The following EML2 variants were observed in gnomAD, a reference collection of about 807,000 sequenced individuals.
EML2 encodes the protein EMAP like 2.
EML2 carries 59 observed loss-of-function variants against 84.7 expected under a neutral mutation model. The ratio of observed to expected loss-of-function variants is 0.70; its 90% CI spans 0.56 to 0.86. The LOEUF (loss-of-function observed/expected upper bound fraction) is 0.86, where lower values mean the gene tolerates loss of function less well. Among genes scored for constraint, EML2 ranks in the 40% least tolerant of loss-of-function variants. The probability of loss-of-function intolerance (pLI) is 0.00; values close to 1 mark genes in which losing one functional copy is unlikely to be tolerated. For missense variants in EML2, 818 were observed against 855.6 expected, an observed-to-expected ratio of 0.96 and a Z score of 0.55; for synonymous variants, 352 against 348.9, an observed-to-expected ratio of 1.01 and a Z score of -0.10.
chr19:45,639,258 C>G, intron 1 of EML2, 99 bp downstream of exon 1: 1 of 1,170,592 alleles, frequency 8.5e-7, no homozygotes, highest in Non-Finnish European at 1.1e-6. Flanking sequence ...AGGGGCGTGT[C>G]CCCACGCCGG....
chr19:45,627,551 G>T (rs553295363), intron 7 of EML2, among the ~76,000 whole-genome samples: 2 of 152,220 alleles, frequency 1.3e-5, no homozygotes, highest in Non-Finnish European at 2.9e-5. Flanking sequence ...CACCACGCCT[G>T]GCCAGTACCT....
chr19:45,615,709 C>CTTGAATACCAAGG, intron 16 of EML2, 93 bp downstream of exon 16: 1 of 1,104,160 alleles, frequency 9.1e-7, no homozygotes, highest in Non-Finnish European at 1.4e-6. Context: ...ACCAAGGGAG[C>CTTGAATACCAAGG]GAGGCTTGAA....
upstream of EML2, among the ~76,000 whole-genome samples, chr19:45,643,379 T>C (rs1974765898): frequency 6.6e-6 from 1 of 152,078 alleles, no homozygotes; most frequent in Non-Finnish European, 1.5e-5. Context: ...ACCAAACTCT[T>C]CCCCAGCAGG....
At chr19:45,645,501 A>G, upstream of EML2, 1 of 1,367,406 alleles carries the variant, frequency 7.3e-7, no homozygotes. Flanking sequence ...CGCTGGGGTC[A>G]TCCCCAGGAT....
rs1400265529 is a variant in EML2 at position 45,619,188 on chromosome 19, G to A, written c.1126C>T (p.His376Tyr). ...HTGFSLLVQG[H>Y]VEELWGLATH... Reference sequence around the variant, plus strand: ...GCCAGGCCCCACAGCTCTTCCACATGGCCCTGGTGGAAAGGGAGGACAGCA... The same window carrying A: ...GCCAGGCCCCACAGCTCTTCCACATAGCCCTGGTGGAAAGGGAGGACAGCA... The change falls in exon 12 of 19, where the codon CAT becomes TAT. Residue 376 changes from histidine to tyrosine, a missense_variant. By Grantham distance (83) the His-to-Tyr change is moderately conservative. Coordinates refer to ENST00000245925, the MANE Select transcript of EML2 (RefSeq NM_012155.4). The A allele has an allele frequency of 6.2e-7, 1 of 1,609,780 alleles. No homozygotes were observed. The highest frequency in any genetic ancestry group is 1.3e-5 in the African/African-American group (1 of 74,790).
upstream of EML2, chr19:45,642,857 C>T (rs1053351288): frequency 2.6e-5 from 4 of 151,312 alleles, no homozygotes; most frequent in Non-Finnish European, 4.4e-5. Context: ...CGTGGTGGCG[C>T]GTGCCTGTAG....
At chr19:45,611,517 G>C (rs980324795) in intron 18 of EML2, among the ~76,000 whole-genome samples, 1 of 150,432 alleles carries the variant, frequency 6.6e-6, no homozygotes, top group Non-Finnish European at 1.5e-5. Context: ...ACAGAATCTC[G>C]CTCTTTTGCC....
Position 45,609,787 on chromosome 19 carries a change from G to A in EML2, c.1826C>T (p.Ala609Val), listed in dbSNP as rs910789124. Residue 609 changes from alanine to valine, a missense_variant and splice_region_variant, in exon 19 of 19, where the codon GCC becomes GTC. Ala to Val is a moderately conservative substitution (Grantham distance 64). Transcript: ENST00000245925. Reference protein sequence around the residue: ...LFSYPCCQPRALSHKYGGHSS... With the variant: ...LFSYPCCQPRVLSHKYGGHSS... The stretch of plus-strand genomic sequence containing the variant: ...GTGTCCACCGTACTTGTGGCTGAGG[G>A]CCTGTTACAAGGAAAGAAGTAAGTG... 42 of 1,611,812 alleles carry A rather than the reference G, an allele frequency of 2.6e-5. No individual in the cohort carries two copies. Among genetic ancestry groups the A allele is most frequent in the East Asian group, 4.5e-5 (2 of 44,776 alleles).
Position 45,630,019 on chromosome 19 carries a change from C to A in EML2, c.538G>T (p.Asp180Tyr), listed in dbSNP as rs1255955066. The change falls in exon 7 of 19, where the codon GAT (aspartate) becomes TAT (tyrosine). Residue 180 changes from aspartate to tyrosine, a missense_variant. Physicochemically the swap from Asp to Tyr is radical, Grantham distance 160. Transcript: ENST00000245925. ...SNGGNLLCAV[D>Y]ESNDHMLSVW... is the part of the protein sequence containing the mutation. ...GAGAGCATGTGATCATTGGATTCAT[C>A]CACTGCACACAGCAGGTTGCCTCCA... 1 of 1,613,024 alleles carries A rather than the reference C, an allele frequency of 6.2e-7. No homozygotes were observed. The highest frequency in any genetic ancestry group is 8.5e-7 in the Non-Finnish European group (1 of 1,179,520).
chr19:45,625,002 A>G (rs1972136543), intron 8 of EML2, among the ~76,000 whole-genome samples, 184 bp from the exon 9 acceptor site: 1 of 152,114 alleles, frequency 6.6e-6, no homozygotes, highest in South Asian at 2.1e-4. Context: ...TCGGTGGCCT[A>G]GAGGTTCTGA....
intron 1 of EML2, 168 bp downstream of exon 1, chr19:45,639,189 G>T (rs868006894): frequency 1.3e-6 from 1 of 781,214 alleles, no homozygotes; most frequent in Non-Finnish European, 2.0e-6. Context: ...CCCCCCACCC[G>T]CAGTTCCCCC....
intron 18 of EML2, among the ~76,000 whole-genome samples, chr19:45,611,935 G>A (rs1419062105): frequency 6.6e-6 from 1 of 151,778 alleles, no homozygotes. Flanking sequence ...AAAGTGGCAC[G>A]ATCTCCGCTC....
Position 45,621,236 on chromosome 19 carries a change from C to T in EML2, c.1093G>A (p.Val365Met), listed in dbSNP as rs766941141. 17 of 1,613,800 alleles carry T rather than the reference C, an allele frequency of 1.1e-5. No homozygotes were observed. Among genetic ancestry groups the T allele is most frequent in the East Asian group, 4.5e-5 (2 of 44,876 alleles). ...ACCAGCAGTGAGAAGCCTGTGTGCA[C>T]GGAGCCCTGCAGGATGGAATTGCGG... ...TTRNSILQGSVHTGFSLLVQG... is the reference protein window; with the variant it reads ...TTRNSILQGSMHTGFSLLVQG... Residue 365 changes from valine (V) to methionine (M), a missense_variant, in exon 11 of 19, where the codon GTG becomes ATG. Val to Met is a conservative substitution (Grantham distance 21, BLOSUM62 1). Coordinates refer to ENST00000245925, the MANE Select transcript of EML2 (RefSeq NM_012155.4).
chr19:45,617,528 G>C, intron 13 of EML2, 102 bp downstream of exon 13: 1 of 1,074,484 alleles, frequency 9.3e-7, no homozygotes, highest in South Asian at 1.5e-5. Context: ...GAGGGATCAG[G>C]GCTCGGTAAA....
At chr19:45,630,843 T>C (rs1972945769) in intron 6 of EML2, among the ~76,000 whole-genome samples, 1 of 152,064 alleles carries the variant, frequency 6.6e-6, no homozygotes, top group African/African-American at 2.4e-5. Context: ...TGTTGGGTTT[T>C]TGTTTGTTTT....
rs749793807 is a variant in EML2, at chr19:45,614,697, T to C, written c.1601A>G (p.Asp534Gly). ...NSGDYEILYW[D>G]PATCKQITSA... is the part of the protein sequence containing the mutation. ...GGTGATCTGCTTACAGGTAGCCGGG[T>C]CCCCTGGGGCAGAAAATGGGAGGAG... Residue 534 changes from aspartate (D) to glycine (G), a missense_variant, in exon 17 of 19, where the codon GAC (aspartate) becomes GGC (glycine). By Grantham distance (94) the Asp-to-Gly change is moderately conservative. Transcript: ENST00000245925. The C allele has an allele frequency of 7.4e-6, 12 of 1,613,700 alleles. No individual in the cohort carries two copies. In the South Asian group the frequency reaches 7.7e-5, roughly 10 times the overall value.
chr19:45,631,927 T>C (rs1302762586), intron 6 of EML2, among the ~76,000 whole-genome samples: 2 of 138,454 alleles, frequency 1.4e-5, no homozygotes, highest in Non-Finnish European at 3.1e-5. Flanking sequence ...AGTCTCGCCC[T>C]GTCGCCCAGG....
upstream of EML2, chr19:45,639,500 G>A (rs948513831): frequency 6.7e-6 from 7 of 1,039,298 alleles, no homozygotes; most frequent in African/African-American, 6.6e-5. Context: ...CCCTGGAGCC[G>A]GAGGGTCCCA....
chr19:45,615,378 C>T (rs1970916760), intron 16 of EML2, among the ~76,000 whole-genome samples: 1 of 150,522 alleles, frequency 6.6e-6, no homozygotes, highest in Non-Finnish European at 1.5e-5. Context: ...ATTAGCCGGG[C>T]ATGGTGGTGT....
Sources: allele counts gnomAD v4.1 joint callset (sites outside exome capture counted in the v4.1 genomes callset), GRCh38; gene constraint gnomAD v4.1.1; transcripts MANE v1.5; gene names NCBI Gene and HGNC (gene_info 2026-07-23, HGNC 2026-07-21).